UGT1A1: variants seen among roughly 807,000 people sequenced by gnomAD.
The protein encoded by UGT1A1 is UDP glucuronosyltransferase family 1 member A1.
Under a neutral mutation model 40.6 loss-of-function variants are expected in UGT1A1, and 33 were observed. The observed-to-expected ratio is 0.81, with a 90% confidence interval of 0.62 to 1.09. UGT1A1 has a LOEUF of 1.09. UGT1A1 is among the 50% of genes least tolerant of loss of function. The pLI is 0.00. For synonymous variants in UGT1A1, 249 were observed against 265.0 expected (o/e 0.94, Z 0.59); for missense variants, 694 against 671.2 (o/e 1.03, Z -0.38).
intron 1 of UGT1A1, among the ~76,000 whole-genome samples, chr2:233,765,461 A>G (rs963338723): frequency 3.9e-5 from 6 of 152,204 alleles, no homozygotes; most frequent in Non-Finnish European, 8.8e-5. Flanking sequence ...TTGCAAGGAC[A>G]TGGATGAAGC....
chr2:233,766,981 G>A, intron 1 of UGT1A1, 53 bp from the exon 2 acceptor site: 1 of 1,612,648 alleles, frequency 6.2e-7, no homozygotes, highest in Non-Finnish European at 8.5e-7. Flanking sequence ...ACTGTATGTA[G>A]TCATCAAAGA....
intron 4 of UGT1A1, 105 bp downstream of exon 4, chr2:233,768,544 TAA>T: frequency 7.0e-7 from 1 of 1,425,890 alleles, no homozygotes; most frequent in Non-Finnish European, 9.3e-7. Flanking sequence ...GTTTCAAATA[TAA>T]AAACAAATAC....
chr2:233,761,146 T>C lies in UGT1A1; in HGVS notation c.859T>C (p.Ser287Pro), dbSNP rs1337384419. The change falls in exon 1 of 5, where the codon TCC (serine) becomes CCC (proline). Residue 287 changes from serine to proline, a missense_variant. Coordinates refer to ENST00000305208, the MANE Select transcript of UGT1A1 (RefSeq NM_000463.3). ...CAACTGCCTTCACCAAAATCCACTATCCCAGGTGTGTATTGGAGTGGGACT... is the reference window on the plus strand; with the variant it reads ...CAACTGCCTTCACCAAAATCCACTACCCCAGGTGTGTATTGGAGTGGGACT... ...GINCLHQNPL[S>P]QEFEAYINAS... is the part of the protein sequence containing the mutation. 8.1e-6 allele frequency: 13 copies of C among 1,614,114 alleles called. No individual in the cohort carries two copies. The highest frequency in any genetic ancestry group is 4.0e-5 in the African/African-American group (3 of 74,946).
chr2:233,765,490 A>G (rs552851651), intron 1 of UGT1A1, among the ~76,000 whole-genome samples: 4 of 152,238 alleles, frequency 2.6e-5, no homozygotes, highest in Non-Finnish European at 5.9e-5. Flanking sequence ...ATCATCCTCC[A>G]CAAACTAACA....
Position 233,772,402 on chromosome 2 carries a change from C to T in UGT1A1, c.1445C>T (p.Thr482Ile), listed in dbSNP as rs1279219087. The T allele has an allele frequency of 6.2e-7, 1 of 1,614,144 alleles. No individual in the cohort carries two copies. The highest frequency in any genetic ancestry group is 1.3e-5 in the African/African-American group (1 of 74,938). ...CTGCGCCCCGCAGCCCACGACCTCA[C>T]CTGGTACCAGTACCATTCCTTGGAC... ...PHLRPAAHDLTWYQYHSLDVI... is the reference protein window; with the variant it reads ...PHLRPAAHDLIWYQYHSLDVI... The change falls in exon 5 of 5, where the codon ACC (threonine) becomes ATC (isoleucine). Residue 482 changes from threonine to isoleucine, a missense_variant. By Grantham distance (89) the Thr-to-Ile change is moderately conservative. Coordinates refer to ENST00000305208, the MANE Select transcript of UGT1A1 (RefSeq NM_000463.3).
Position 233,772,812 on chromosome 2 carries a change from C to A in UGT1A1, c.*253C>A. ...ATGACATGTGCCATTTTTCAGAGGA[C>A]GTGCAGACAGGCTGGCATTCTAGAT... is the stretch of plus-strand genomic sequence containing the variant. On this transcript the variant is annotated 3_prime_UTR_variant, in exon 5 of 5. Transcript: ENST00000305208. The A allele has an allele frequency of 1.9e-6, 2 of 1,035,896 alleles. No homozygotes were observed. Among genetic ancestry groups the A allele is most frequent in the Non-Finnish European group, 2.6e-6 (2 of 759,452 alleles). 64.2% of individuals were successfully genotyped at this position (1,035,896 alleles called of 1,614,324 possible). A position where few individuals can be genotyped will look rare whatever the true frequency, so the allele number is the denominator to read the frequency against.
Position 233,769,582 on chromosome 2 carries a change from T to G in UGT1A1, c.1304+1143T>G. The G allele has an allele frequency of 6.2e-7, 1 of 1,612,842 alleles. No homozygotes were observed. Among genetic ancestry groups the G allele is most frequent in the Admixed American group, 1.7e-5 (1 of 60,012 alleles). ...TGTGAAGAGCTGGAGCATGTTCAGA[T>G]GAGAGGAGACGGAACACGGGGACAC... On this transcript the variant is annotated intron_variant, in intron 4 of 4. Coordinates refer to ENST00000305208, the MANE Select transcript of UGT1A1 (RefSeq NM_000463.3). This position sits in a 1 kb window ranked among gnomAD's most constrained non-coding sequence, Gnocchi z 4.4.
At chr2:233,766,403 C>G (rs889722071) in intron 1 of UGT1A1, among the ~76,000 whole-genome samples, 2 of 152,178 alleles carry the variant, frequency 1.3e-5, no homozygotes, top group Non-Finnish European at 2.9e-5. Context: ...TGCGTCCCTC[C>G]GCTGATGTGC....
In UGT1A1 at chr2:233,769,479, G is replaced by A; in HGVS notation, c.1304+1040G>A. The A allele has an allele frequency of 6.2e-7, 1 of 1,611,314 alleles. No homozygotes were observed. The highest frequency in any genetic ancestry group is 8.5e-7 in the Non-Finnish European group (1 of 1,178,748). ...CATTCATATGCGTGTGTGTGTGTGT[G>A]CGTGTGTTTATGAGAGTGTCCATTG... is the stretch of plus-strand genomic sequence containing the variant. On this transcript the variant is annotated intron_variant, in intron 4 of 4. Coordinates refer to ENST00000305208, the MANE Select transcript of UGT1A1 (RefSeq NM_000463.3). This position sits in a 1 kb window ranked among gnomAD's most constrained non-coding sequence, Gnocchi z 4.4.
At position 233,772,516 on chromosome 2, in the gene UGT1A1, A is replaced by G. The variant is rs1559420819; in HGVS notation, c.1559A>G (p.Lys520Arg). 3 of 1,614,208 alleles carry G rather than the reference A, an allele frequency of 1.9e-6. No homozygotes were observed. Among genetic ancestry groups the G allele is most frequent in the East Asian group, 2.2e-5 (1 of 44,880 alleles). ...TATGGCTACCGGAAATGCTTGGGGAAAAAAGGGCGAGTTAAGAAAGCCCAC... is the reference window on the plus strand; with the variant it reads ...TATGGCTACCGGAAATGCTTGGGGAGAAAAGGGCGAGTTAAGAAAGCCCAC... ...CAYGYRKCLGKKGRVKKAHKS... is the reference protein window; with the variant it reads ...CAYGYRKCLGRKGRVKKAHKS... The change falls in exon 5 of 5, where the codon AAA becomes AGA. Residue 520 changes from lysine (K) to arginine (R), a missense_variant. Transcript: ENST00000305208.
chr2:233,772,778 T>C lies in UGT1A1; in HGVS notation c.*219T>C. The C allele has an allele frequency of 5.4e-6, 7 of 1,295,644 alleles. No individual in the cohort carries two copies. The highest frequency in any genetic ancestry group is 7.1e-6 in the Non-Finnish European group (7 of 982,368). The allele number at this position is 1,295,644 out of a possible 1,614,324, so 80.3% of individuals were successfully genotyped here. On this transcript the variant is annotated 3_prime_UTR_variant, in exon 5 of 5. Coordinates refer to ENST00000305208, the MANE Select transcript of UGT1A1 (RefSeq NM_000463.3). Reference sequence around the variant, plus strand: ...ATGTATCGTGCCCCCTCTGGTGTCTTTGATCAGGATGACATGTGCCATTTT... The same window carrying C: ...ATGTATCGTGCCCCCTCTGGTGTCTCTGATCAGGATGACATGTGCCATTTT...
At chr2:233,770,241 C>G (rs1700043521) in intron 4 of UGT1A1, 1 of 152,162 alleles carries the variant, frequency 6.6e-6, no homozygotes, top group Non-Finnish European at 1.5e-5. Context: ...CTCCATGATT[C>G]CAACACTCTG....
rs774774935 is a variant in UGT1A1 at position 233,761,033 on chromosome 2, G to A, written c.746G>A (p.Ser249Asn). 1.2e-6 allele frequency: 2 copies of A among 1,614,186 alleles called. No individual in the cohort carries two copies. The highest frequency in any genetic ancestry group is 1.7e-6 in the Non-Finnish European group (2 of 1,180,036). The change falls in exon 1 of 5, where the codon AGC (serine) becomes AAC (asparagine). Residue 249 changes from serine (S) to asparagine (N), a missense_variant. Coordinates refer to ENST00000305208, the MANE Select transcript of UGT1A1 (RefSeq NM_000463.3). The part of the protein sequence containing the change: ...QREVTVQDLL[S>N]SASVWLFRSD... ...GAGGTGACTGTCCAGGACCTATTGA[G>A]CTCTGCATCTGTCTGGCTGTTTAGA...
At chr2:233,770,500 A>AT (rs1700093584) in intron 4 of UGT1A1, 1 of 152,124 alleles carries the variant, frequency 6.6e-6, no homozygotes, top group Admixed American at 6.5e-5. Flanking sequence ...CCAAAAAAAT[A>AT]TAAAAAAATT....
In UGT1A1 at chr2:233,769,703, A is replaced by G. The variant is rs1416273085; in HGVS notation, c.1304+1264A>G. 46 of 1,521,058 alleles carry G rather than the reference A, an allele frequency of 3.0e-5. No individual in the cohort carries two copies. Among genetic ancestry groups the G allele is most frequent in the Non-Finnish European group, 3.6e-5 (41 of 1,133,112 alleles). 94.2% of individuals were successfully genotyped at this position (1,521,058 alleles called of 1,614,324 possible). A position where few individuals can be genotyped will look rare whatever the true frequency, so the allele number is the denominator to read the frequency against. ...TGTGGTGGCACTGGATAAAAGATCA[A>G]TGTTGGCTAGGCACCATGGCACACG... On this transcript the variant is annotated intron_variant, in intron 4 of 4. Coordinates refer to ENST00000305208, the MANE Select transcript of UGT1A1 (RefSeq NM_000463.3). The surrounding 1 kb of genome is among the most constrained non-coding windows in gnomAD (Gnocchi z 4.4).
At position 233,769,774 on chromosome 2, in the gene UGT1A1, G is replaced by C; in HGVS notation, c.1304+1335G>C. The C allele has an allele frequency of 7.3e-7, 1 of 1,375,358 alleles. No homozygotes were observed. Among genetic ancestry groups the C allele is most frequent in the Non-Finnish European group, 9.5e-7 (1 of 1,052,824 alleles). 85.2% of individuals were successfully genotyped at this position (1,375,358 alleles called of 1,614,324 possible). ...GGAGGCTAAGGCGGGAGGATTGCTT[G>C]AGCCCAGAAGTTGGAGGCTGCTATG... On this transcript the variant is annotated intron_variant, in intron 4 of 4. Transcript: ENST00000305208. This position sits in a 1 kb window ranked among gnomAD's most constrained non-coding sequence, Gnocchi z 4.4.
Position 233,772,666 on chromosome 2 carries a change from T to G in UGT1A1, c.*107T>G. 6.5e-7 allele frequency: 1 copy of G among 1,538,162 alleles called. No individual in the cohort carries two copies. Among genetic ancestry groups the G allele is most frequent in the South Asian group, 1.2e-5 (1 of 82,746 alleles). Reference sequence around the variant, plus strand: ...ATTTTATTCTTATTAAGGAAATACTTTGCATAAATTAATCAGCCCCAGAGT... The same window carrying G: ...ATTTTATTCTTATTAAGGAAATACTGTGCATAAATTAATCAGCCCCAGAGT... On this transcript the variant is annotated 3_prime_UTR_variant, in exon 5 of 5. Coordinates refer to ENST00000305208, the MANE Select transcript of UGT1A1 (RefSeq NM_000463.3).
chr2:233,762,115 C>A (rs1697973235), intron 1 of UGT1A1, among the ~76,000 whole-genome samples: 1 of 152,304 alleles, frequency 6.6e-6, no homozygotes, highest in South Asian at 2.1e-4. Flanking sequence ...CGCTTCACAT[C>A]ATGAGCCATG....
At chr2:233,768,790 G>C (rs1021832155) in intron 4 of UGT1A1, among the ~76,000 whole-genome samples, 1 of 152,024 alleles carries the variant, frequency 6.6e-6, no homozygotes, top group Admixed American at 6.6e-5. Context: ...CACCATGTTT[G>C]TCAGGCTGGT....
Sources: gnomAD v4.1 joint callset for allele counts (sites outside exome capture counted in the v4.1 genomes callset) on GRCh38, gnomAD v4.1.1 for gene constraint, Gnocchi (gnomAD v3.1) non-coding constraint, MANE v1.5 for transcripts, NCBI Gene and HGNC (gene_info 2026-07-23, HGNC 2026-07-21) for gene names.